The following GRIK1 variants were observed in gnomAD, a reference collection of about 807,000 sequenced individuals.
GRIK1 encodes glutamate receptor ionotropic, kainate 1.
A neutral mutation model predicts 105.7 loss-of-function variants in GRIK1; 69 were observed. The observed-to-expected ratio is 0.65, with a 90% CI of 0.54 to 0.80. The LOEUF (loss-of-function observed/expected upper bound fraction) is 0.80. GRIK1 is among the 30% of genes least tolerant of loss of function. The probability of loss-of-function intolerance (pLI) is 0.00; values close to 1 mark genes in which losing one functional copy is unlikely to be tolerated. For synonymous variants in GRIK1, 438 were observed against 431.3 expected (o/e 1.02, Z -0.19); for missense variants, 1,109 against 1,167.3 (o/e 0.95, Z 0.73).
At chr21:29,591,369 G>A in intron 9 of GRIK1, 144 bp from the exon 10 acceptor site, 1 of 663,996 alleles carries the variant, frequency 1.5e-6, no homozygotes, top group South Asian at 1.7e-5. Flanking sequence ...CTAAACGTGG[G>A]GAAATGAAAC....
rs1270762821 is a variant in GRIK1, at chr21:29,689,648, A to C, written c.544+80T>G. The C allele has an allele frequency of 3.3e-6, 4 of 1,227,304 alleles. No individual in the cohort carries two copies. The African/African-American group carries it at 6.0e-5, about 18-fold the overall frequency. The allele number at this position is 1,227,304 out of a possible 1,614,324, so 76.0% of individuals were successfully genotyped here. Reference sequence around the variant, plus strand: ...GAGCATTTTTATGCTCCATCTGATGAGTTTAATGACTATTTGATACTTTCG... The same window carrying C: ...GAGCATTTTTATGCTCCATCTGATGCGTTTAATGACTATTTGATACTTTCG... On this transcript the variant is annotated intron_variant, in intron 3 of 17. Transcript: ENST00000327783.
intron 7 of GRIK1, among the ~76,000 whole-genome samples, chr21:29,606,437 C>G (rs189677950): frequency 6.6e-6 from 1 of 152,170 alleles, no homozygotes; most frequent in African/African-American, 2.4e-5. Flanking sequence ...TTTGACTTCC[C>G]TGGTGGCCTC....
At chr21:29,627,905 G>A (rs1601315856) in intron 7 of GRIK1, among the ~76,000 whole-genome samples, 1 of 152,158 alleles carries the variant, frequency 6.6e-6, no homozygotes, top group Non-Finnish European at 1.5e-5. Context: ...AACAGAGAAG[G>A]CATTTTATGG....
intron 1 of GRIK1, among the ~76,000 whole-genome samples, chr21:29,799,222 C>G (rs757292542): frequency 6.6e-6 from 1 of 152,182 alleles, no homozygotes; most frequent in Non-Finnish European, 1.5e-5. Context: ...ATCTGTCTTG[C>G]TTAATTTTAT....
chr21:29,684,063 CT>C (rs1306602078), intron 3 of GRIK1, among the ~76,000 whole-genome samples: 3 of 152,196 alleles, frequency 2.0e-5, no homozygotes, highest in African/African-American at 7.2e-5. Flanking sequence ...CTCCCGAATA[CT>C]GTTTGATGCT....
chr21:29,853,646 T>C (rs2068375115), intron 1 of GRIK1, among the ~76,000 whole-genome samples: 1 of 152,226 alleles, frequency 6.6e-6, no homozygotes, highest in Non-Finnish European at 1.5e-5. Flanking sequence ...ATATGACTCA[T>C]GGGAATGTCT....
At chr21:29,651,842 G>A (rs991662959) in intron 5 of GRIK1, among the ~76,000 whole-genome samples, 4 of 151,148 alleles carry the variant, frequency 2.6e-5, no homozygotes, top group Non-Finnish European at 5.9e-5. Context: ...TATACCCATT[G>A]GATAAAGGGG....
At chr21:29,627,760 T>C (rs2062165518) in intron 7 of GRIK1, among the ~76,000 whole-genome samples, 1 of 152,200 alleles carries the variant, frequency 6.6e-6, no homozygotes, top group Non-Finnish European at 1.5e-5. Context: ...TAAACATGAA[T>C]TAATAACTCA....
intron 1 of GRIK1, among the ~76,000 whole-genome samples, chr21:29,785,166 C>T (rs564368282): frequency 6.1e-4 from 93 of 152,272 alleles, no homozygotes; most frequent in African/African-American, 2.0e-3. Flanking sequence ...TCAGAAGTAT[C>T]ACCATTTTAT....
chr21:29,625,979 A>G (rs2062120442), intron 7 of GRIK1, among the ~76,000 whole-genome samples: 1 of 152,184 alleles, frequency 6.6e-6, no homozygotes, highest in Admixed American at 6.5e-5. Context: ...ATGTGACTAT[A>G]TTTGGAGACA....
At chr21:29,845,291 T>TA (rs1364324698) in intron 1 of GRIK1, among the ~76,000 whole-genome samples, 1 of 152,198 alleles carries the variant, frequency 6.6e-6, no homozygotes, top group Admixed American at 6.5e-5. Context: ...TTGCCATATT[T>TA]ATGTCTTTTA....
intron 1 of GRIK1, among the ~76,000 whole-genome samples, chr21:29,723,860 A>C (rs1179991205): frequency 1.3e-5 from 2 of 152,188 alleles, no homozygotes; most frequent in Non-Finnish European, 2.9e-5. Context: ...CTCTAAGCAA[A>C]GAAACTAACT....
At chr21:29,669,632 T>C (rs1197149799) in intron 4 of GRIK1, among the ~76,000 whole-genome samples, 2 of 152,212 alleles carry the variant, frequency 1.3e-5, no homozygotes, top group South Asian at 2.1e-4. Flanking sequence ...GGGTCACTTA[T>C]CCTGTCTGAG....
At chr21:29,789,314 T>A (rs953489542) in intron 1 of GRIK1, among the ~76,000 whole-genome samples, 6 of 152,184 alleles carry the variant, frequency 3.9e-5, no homozygotes, top group African/African-American at 1.4e-4. Flanking sequence ...CACTGACCAA[T>A]CAGAACAAAA....
chr21:29,774,705 C>T (rs1366643274), intron 1 of GRIK1, among the ~76,000 whole-genome samples: 2 of 152,068 alleles, frequency 1.3e-5, no homozygotes, highest in African/African-American at 2.4e-5. Context: ...CTGCCTCGGC[C>T]TCACAAAGTG....
At chr21:29,817,690 A>G (rs371936141) in intron 1 of GRIK1, among the ~76,000 whole-genome samples, 1 of 152,144 alleles carries the variant, frequency 6.6e-6, no homozygotes, top group South Asian at 2.1e-4. Flanking sequence ...GACCAAGCCA[A>G]ACCTGGCAAA....
chr21:29,760,636 C>A (rs900683245), intron 1 of GRIK1, among the ~76,000 whole-genome samples: 1 of 152,200 alleles, frequency 6.6e-6, no homozygotes, highest in Non-Finnish European at 1.5e-5. Context: ...GATTTTAATT[C>A]TCTGTAACAG....
chr21:29,695,426 A>G (rs904916235), intron 1 of GRIK1, among the ~76,000 whole-genome samples: 22 of 150,888 alleles, frequency 1.5e-4, no homozygotes, highest in Middle Eastern at 3.4e-3. Flanking sequence ...ACATATCTAT[A>G]TCTATATCAA....
intron 1 of GRIK1, among the ~76,000 whole-genome samples, chr21:29,795,028 A>ATTTTTTT (rs66697777): frequency 1.2e-5 from 1 of 85,220 alleles, no homozygotes; most frequent in African/African-American, 4.9e-5. Context: ...TTTGCTCTAA[A>ATTTTTTT]TTTTTTTTTT....
Sources: allele counts gnomAD v4.1 joint callset (sites outside exome capture counted in the v4.1 genomes callset), GRCh38; gene constraint gnomAD v4.1.1; transcripts MANE v1.5; gene names NCBI Gene and HGNC (gene_info 2026-07-23, HGNC 2026-07-21).